CCAR1: variants seen among roughly 807,000 people sequenced by gnomAD.
The protein encoded by CCAR1 is cell division cycle and apoptosis regulator 1, also known as cell division cycle and apoptosis regulator protein 1.
In CCAR1, 78 loss-of-function variants were observed where a neutral mutation model predicts 163.8. The ratio of observed to expected loss-of-function variants is 0.48; its 90% CI spans 0.40 to 0.57. CCAR1 has a LOEUF of 0.57. Among genes scored for constraint, CCAR1 ranks in the 20% least tolerant of loss-of-function variants. CCAR1 has a pLI of 0.00. For synonymous variants in CCAR1, 443 were observed against 460.7 expected, an observed-to-expected ratio of 0.96 and a Z score of 0.49; for missense variants, 1,019 against 1,365.2, an observed-to-expected ratio of 0.75 and a Z score of 4.00.
chr10:68,759,921 A>G (rs2056447453), intron 15 of CCAR1, among the ~76,000 whole-genome samples: 1 of 152,136 alleles, frequency 6.6e-6, no homozygotes, highest in Non-Finnish European at 1.5e-5. Context: ...TGTAGCTTCA[A>G]ACTCCTAGGC....
At chr10:68,736,157 T>G (rs1285305423) in intron 2 of CCAR1, among the ~76,000 whole-genome samples, 1 of 152,200 alleles carries the variant, frequency 6.6e-6, no homozygotes, top group African/African-American at 2.4e-5. Context: ...CCAGCCAGTT[T>G]TAGTCTTTTT....
intron 2 of CCAR1, among the ~76,000 whole-genome samples, chr10:68,727,559 G>A (rs1169851778): frequency 6.6e-6 from 1 of 152,056 alleles, no homozygotes; most frequent in Admixed American, 6.6e-5. Context: ...TTCTAGGATG[G>A]TATTCAAGGT....
Position 68,771,893 on chromosome 10 carries a change from G to A in CCAR1, c.2538+448G>A, listed in dbSNP as rs1260263312. ...TTTTTTTTCCTTTTTCTGAGACGGAGTCTTGCTCTGTTGACCAGGCTTGCT... is the reference window on the plus strand; with the variant it reads ...TTTTTTTTCCTTTTTCTGAGACGGAATCTTGCTCTGTTGACCAGGCTTGCT... On this transcript the variant is annotated intron_variant, in intron 18 of 24. Transcript: ENST00000265872. 2.6e-5 allele frequency among the ~76,000 whole-genome samples: 4 copies of A among 151,666 alleles called. No individual in the cohort carries two copies. The East Asian group carries it at 7.8e-4, about 30-fold the overall frequency.
intron 4 of CCAR1, 108 bp from the exon 5 acceptor site, chr10:68,740,521 T>C: frequency 2.1e-6 from 2 of 940,426 alleles, no homozygotes; most frequent in South Asian, 3.0e-5. Context: ...AATACATAAA[T>C]AAAAATAAGT....
intron 19 of CCAR1, among the ~76,000 whole-genome samples, chr10:68,781,462 G>C (rs1409660159): frequency 1.3e-5 from 2 of 152,076 alleles, no homozygotes; most frequent in African/African-American, 4.8e-5. Context: ...AGAATCACTT[G>C]AACCCAGGAT....
At chr10:68,740,994 A>G (rs958627592) in intron 5 of CCAR1, among the ~76,000 whole-genome samples, 3 of 151,364 alleles carry the variant, frequency 2.0e-5, no homozygotes, top group African/African-American at 7.3e-5. Flanking sequence ...GCTCACTGCA[A>G]TCTCTGCCTC....
chr10:68,729,865 C>T (rs1021064477), intron 2 of CCAR1, among the ~76,000 whole-genome samples: 16 of 152,000 alleles, frequency 1.1e-4, no homozygotes, highest in African/African-American at 3.9e-4. Flanking sequence ...CTCCTGTGTG[C>T]ACCAACATGT....
chr10:68,769,695 A>T (rs530090952), intron 17 of CCAR1, among the ~76,000 whole-genome samples: 12 of 151,932 alleles, frequency 7.9e-5, no homozygotes, highest in African/African-American at 2.7e-4. Context: ...TAATCCTAGC[A>T]CTTTGAGAGG....
rs374908518 is a variant in CCAR1 at position 68,769,218 on chromosome 10, C to A, written c.2299-1988C>A. ...CTCGAAGTCCCGACCTCGTGATCCA[C>A]CCATCTCAGCCTCCTGAAGTGCTGG... On this transcript the variant is annotated intron_variant, in intron 17 of 24. Coordinates refer to ENST00000265872, the MANE Select transcript of CCAR1 (RefSeq NM_018237.4). 6.4e-4 allele frequency among the ~76,000 whole-genome samples: 97 copies of A among 152,332 alleles called. 2 individuals carry two copies. In the South Asian group the frequency reaches 0.02, roughly 31 times the overall value.
chr10:68,749,088 G>T, intron 8 of CCAR1, 48 bp from the exon 9 acceptor site: 1 of 1,609,398 alleles, frequency 6.2e-7, no homozygotes, highest in South Asian at 1.1e-5. Flanking sequence ...TAATGCCTTC[G>T]AACTTTGTTT....
At chr10:68,730,106 G>T (rs1179546418) in intron 2 of CCAR1, among the ~76,000 whole-genome samples, 1 of 151,784 alleles carries the variant, frequency 6.6e-6, no homozygotes, top group Non-Finnish European at 1.5e-5. Flanking sequence ...ATTTTTAGTA[G>T]AGATGGGGTT....
At chr10:68,742,273 A>G in intron 5 of CCAR1, 103 bp from the exon 6 acceptor site, 1 of 805,170 alleles carries the variant, frequency 1.2e-6, no homozygotes, top group Non-Finnish European at 1.9e-6. Flanking sequence ...CTTCTAACAT[A>G]ATATGAAATT....
At chr10:68,736,810 G>A (rs746891795) in intron 2 of CCAR1, 66 bp from the exon 3 acceptor site, 84 of 1,445,814 alleles carry the variant, frequency 5.8e-5, no homozygotes, top group Non-Finnish European at 7.2e-5. Flanking sequence ...TCTATGTACT[G>A]TTTTCATATT....
At chr10:68,775,914 C>A (rs1007470861) in intron 19 of CCAR1, among the ~76,000 whole-genome samples, 1 of 151,884 alleles carries the variant, frequency 6.6e-6, no homozygotes, top group African/African-American at 2.4e-5. Flanking sequence ...CCAGACTGGT[C>A]TCGAACTCCT....
chr10:68,757,968 C>T (rs748986067), intron 15 of CCAR1, among the ~76,000 whole-genome samples: 1 of 150,832 alleles, frequency 6.6e-6, no homozygotes, highest in African/African-American at 2.4e-5. Context: ...GTCTCAATCT[C>T]CTGACCTCGT....
At position 68,752,018 on chromosome 10, in the gene CCAR1, G is replaced by A. The variant is rs372880083; in HGVS notation, c.1119-1834G>A. On this transcript the variant is annotated intron_variant, in intron 10 of 24. Transcript: ENST00000265872. Reference sequence around the variant, plus strand: ...TGCAAGCTTTGCCTCCCGGGTTCACGCCATTCTCCTGCCTCAGCCTCCCGA... The same window carrying A: ...TGCAAGCTTTGCCTCCCGGGTTCACACCATTCTCCTGCCTCAGCCTCCCGA... 5.0e-3 allele frequency among the ~76,000 whole-genome samples: 730 copies of A among 146,920 alleles called. 13 individuals carry two copies. Among genetic ancestry groups the A allele is most frequent in the South Asian group, 0.048 (208 of 4,318 alleles).
rs763182424 is a variant in CCAR1 at position 68,786,163 on chromosome 10, G to A, written c.2678G>A (p.Arg893Gln). 3.1e-6 allele frequency: 5 copies of A among 1,612,512 alleles called. No individual in the cohort carries two copies. Among genetic ancestry groups the A allele is most frequent in the East Asian group, 2.2e-5 (1 of 44,848 alleles). The change falls in exon 20 of 25, where the codon CGA becomes CAA. Residue 893 changes from arginine to glutamine, a missense_variant. Transcript: ENST00000265872. Reference protein sequence around the residue: ...DDRDEEEMTKRDDKRDINRYC... With the variant: ...DDRDEEEMTKQDDKRDINRYC... ...AGGGATGAGGAAGAAATGACCAAAC[G>A]AGATGACAAAAGAGATATCAACAGA...
At chr10:68,781,938 G>A (rs901165091) in intron 19 of CCAR1, among the ~76,000 whole-genome samples, 4 of 152,140 alleles carry the variant, frequency 2.6e-5, no homozygotes, top group African/African-American at 9.7e-5. Flanking sequence ...AGTGAGTGAA[G>A]AAGGCATGTT....
chr10:68,762,792 G>A (rs1205665336), intron 16 of CCAR1, among the ~76,000 whole-genome samples: 4 of 151,238 alleles, frequency 2.6e-5, no homozygotes, highest in South Asian at 2.1e-4. Flanking sequence ...AAAAATTCTC[G>A]AAGCTTTCCT....
Sources: gnomAD v4.1 joint callset for allele counts (sites outside exome capture counted in the v4.1 genomes callset) on GRCh38, gnomAD v4.1.1 for gene constraint, MANE v1.5 for transcripts, NCBI Gene and HGNC (gene_info 2026-07-23, HGNC 2026-07-21) for gene names.